Variants in AP1AR observed in about 807,000 individuals in gnomAD.
AP1AR encodes adaptor related protein complex 1 associated regulatory protein, also known as AP-1 complex-associated regulatory protein.
A neutral mutation model predicts 46.3 loss-of-function variants in AP1AR; 29 were observed. The ratio of observed to expected loss-of-function variants is 0.63; its 90% CI spans 0.47 to 0.85. The LOEUF is 0.85. AP1AR is among the 40% of genes least tolerant of loss of function. The pLI, the probability that AP1AR is intolerant of heterozygous loss-of-function variation, is 0.00. For missense variants in AP1AR, 357 were observed against 356.3 expected, an observed-to-expected ratio of 1.00 and a Z score of -0.02; for synonymous variants, 122 against 122.9, an observed-to-expected ratio of 0.99 and a Z score of 0.05.
chr4:112,261,968 CAA>C (rs372031744), intron 5 of AP1AR, among the ~76,000 whole-genome samples: 1 of 139,132 alleles, frequency 7.2e-6, no homozygotes. Context: ...GACCCTGTCT[CAA>C]AAAAAAAAAA....
intron 1 of AP1AR, among the ~76,000 whole-genome samples, chr4:112,250,436 AG>A (rs928258241): frequency 2.0e-5 from 3 of 152,204 alleles, no homozygotes; most frequent in Non-Finnish European, 2.9e-5. Flanking sequence ...AATATAGAAA[AG>A]TATGTGAAAA....
chr4:112,252,578 G>A (rs1726005629), intron 1 of AP1AR, among the ~76,000 whole-genome samples: 1 of 152,204 alleles, frequency 6.6e-6, no homozygotes, highest in Admixed American at 6.5e-5. Flanking sequence ...CTACATATAA[G>A]TTTAATAGGA....
intron 1 of AP1AR, among the ~76,000 whole-genome samples, chr4:112,237,965 G>A (rs535245037): frequency 3.3e-5 from 5 of 152,128 alleles, no homozygotes; most frequent in African/African-American, 1.2e-4. Context: ...ATGTATTTTA[G>A]GGTTGGCAGG....
At chr4:112,266,455 T>C in intron 8 of AP1AR, 133 bp from the exon 9 acceptor site, 1 of 941,698 alleles carries the variant, frequency 1.1e-6, no homozygotes, top group Non-Finnish European at 1.5e-6. Context: ...TAAAATGATT[T>C]CCAGAATTAT....
chr4:112,233,368 G>C (rs1436943430), intron 1 of AP1AR, among the ~76,000 whole-genome samples: 1 of 152,164 alleles, frequency 6.6e-6, no homozygotes, highest in African/African-American at 2.4e-5. Context: ...GTAATATTTC[G>C]ATTTCCCTAA....
intron 1 of AP1AR, among the ~76,000 whole-genome samples, chr4:112,249,371 AT>A (rs1446398385): frequency 2.0e-5 from 3 of 146,524 alleles, no homozygotes; most frequent in Admixed American, 6.7e-5. Context: ...AAAAAAAAAA[AT>A]GTATAGGCTT....
At chr4:112,251,025 T>C (rs1008226191) in intron 1 of AP1AR, among the ~76,000 whole-genome samples, 19 of 152,128 alleles carry the variant, frequency 1.2e-4, no homozygotes, top group East Asian at 1.2e-3. Flanking sequence ...ATGAGCAGGG[T>C]GGAATGCATC....
chr4:112,251,412 A>G (rs1725957064), intron 1 of AP1AR, among the ~76,000 whole-genome samples: 1 of 152,268 alleles, frequency 6.6e-6, no homozygotes, highest in Non-Finnish European at 1.5e-5. Context: ...GCCATCTAAT[A>G]CAAATGTAGT....
Position 112,266,631 on chromosome 4 carries a change from C to A in AP1AR, c.558C>A (p.Ser186Arg). The change falls in exon 9 of 10, where the codon AGC (serine) becomes AGA (arginine). Residue 186 changes from serine (S) to arginine (R), a missense_variant. Around this residue, in one of 2 missense-constraint regions of AP1AR, gnomAD observed 269 missense variants for 223.6 expected, o/e 1.20. Coordinates refer to ENST00000274000, the MANE Select transcript of AP1AR (RefSeq NM_018569.6). ...DATVLTPNTESSCDLMTKTKS... is the reference protein window; with the variant it reads ...DATVLTPNTERSCDLMTKTKS... Reference sequence around the variant, plus strand: ...CAGTTTTGACACCAAATACAGAAAGCAGTTGTGATTTAATGACCAAAACTA... The same window carrying A: ...CAGTTTTGACACCAAATACAGAAAGAAGTTGTGATTTAATGACCAAAACTA... 6.2e-7 allele frequency: 1 copy of A among 1,610,764 alleles called. No homozygotes were observed.
chr4:112,264,911 G>T, intron 6 of AP1AR, 98 bp from the exon 7 acceptor site: 2 of 875,860 alleles, frequency 2.3e-6, no homozygotes, highest in Non-Finnish European at 3.4e-6. Flanking sequence ...TTTTTTTTTA[G>T]AAACTAGAAA....
At chr4:112,241,313 G>A (rs557605934) in intron 1 of AP1AR, among the ~76,000 whole-genome samples, 1 of 152,222 alleles carries the variant, frequency 6.6e-6, no homozygotes, top group East Asian at 1.9e-4. Context: ...TTTACATGTA[G>A]GTAGATATAT....
At chr4:112,260,442 A>G (rs1328421027) in intron 4 of AP1AR, among the ~76,000 whole-genome samples, 1 of 152,204 alleles carries the variant, frequency 6.6e-6, no homozygotes, top group Non-Finnish European at 1.5e-5. Context: ...ATCTTGGGAT[A>G]TGGTTTGGGG....
At chr4:112,243,820 A>C (rs1347636374) in intron 1 of AP1AR, among the ~76,000 whole-genome samples, 1 of 152,188 alleles carries the variant, frequency 6.6e-6, no homozygotes, top group Non-Finnish European at 1.5e-5. Context: ...TAGGAGTAGA[A>C]TTGCTCAGTC....
Position 112,269,129 on chromosome 4 carries a change from A to G in AP1AR, c.*720A>G, listed in dbSNP as rs1726842449. 1 of 150,226 alleles carries G rather than the reference A, an allele frequency of 6.7e-6. No homozygotes were observed. The highest frequency in any genetic ancestry group is 2.4e-5 in the African/African-American group (1 of 40,914). The allele number at this position is 150,226 out of a possible 1,614,324, so 9.3% of individuals were successfully genotyped here. ...ATATATATTTAGTTTTTTCCACTTCATTTTACATGCCACTATATTGACTTT... is the reference window on the plus strand; with the variant it reads ...ATATATATTTAGTTTTTTCCACTTCGTTTTACATGCCACTATATTGACTTT... On this transcript the variant is annotated 3_prime_UTR_variant, in exon 10 of 10. Transcript: ENST00000274000.
At position 112,254,578 on chromosome 4, in the gene AP1AR, G is replaced by T. The variant is rs139387850; in HGVS notation, c.133-169G>T. Among the ~76,000 whole-genome samples, 71 of 152,076 alleles carry T rather than the reference G, an allele frequency of 4.7e-4. No individual in the cohort carries two copies. The East Asian group carries it at 0.012, about 26-fold the overall frequency. ...ATATGCTTGTCTTGGCCATTTTGTAGGACTGTTAAATATATCAAATGAAAT... is the reference window on the plus strand; with the variant it reads ...ATATGCTTGTCTTGGCCATTTTGTATGACTGTTAAATATATCAAATGAAAT... On this transcript the variant is annotated intron_variant, in intron 2 of 9. Transcript: ENST00000274000.
intron 1 of AP1AR, among the ~76,000 whole-genome samples, chr4:112,245,039 C>T (rs1725663610): frequency 6.6e-6 from 1 of 152,018 alleles, no homozygotes; most frequent in African/African-American, 2.4e-5. Context: ...TACTTATAGG[C>T]TAACAATAGG....
intron 1 of AP1AR, among the ~76,000 whole-genome samples, chr4:112,245,261 G>C (rs146920279): frequency 6.6e-6 from 1 of 152,048 alleles, no homozygotes; most frequent in African/African-American, 2.4e-5. Context: ...TTATAAGAAT[G>C]CTCTAAAAGC....
chr4:112,234,889 C>G (rs1254540581), intron 1 of AP1AR, among the ~76,000 whole-genome samples: 1 of 152,130 alleles, frequency 6.6e-6, no homozygotes, highest in African/African-American at 2.4e-5. Context: ...CTGAGTCTTG[C>G]AGATTGACAT....
At chr4:112,252,914 T>C (rs191228150) in intron 1 of AP1AR, among the ~76,000 whole-genome samples, 13 of 152,336 alleles carry the variant, frequency 8.5e-5, no homozygotes, top group Non-Finnish European at 1.3e-4. Flanking sequence ...ATGAGATACA[T>C]TTTAAAATGT....
Sources: gnomAD v4.1 joint callset for allele counts (sites outside exome capture counted in the v4.1 genomes callset) on GRCh38, gnomAD v4.1.1 for gene constraint, gnomAD v4.1.1 regional missense constraint, MANE v1.5 for transcripts, NCBI Gene and HGNC (gene_info 2026-07-23, HGNC 2026-07-21) for gene names.